The following SCLY variants were observed in gnomAD, a reference collection of about 807,000 sequenced individuals.
SCLY encodes putative selenocysteine lyase.
SCLY carries 38 observed loss-of-function variants against 50.1 expected under a neutral mutation model. The ratio of observed to expected loss-of-function variants is 0.76; its 90% CI spans 0.59 to 0.99. SCLY has a LOEUF of 0.99. Ranked by LOEUF, SCLY falls within the 50% of genes least tolerant of loss-of-function variation. SCLY has a pLI of 0.00. For synonymous variants in SCLY, 243 were observed against 249.4 expected, an observed-to-expected ratio of 0.97 and a Z score of 0.24; for missense variants, 600 against 620.0, an observed-to-expected ratio of 0.97 and a Z score of 0.34.
rs1359425563 is a variant in SCLY, at chr2:238,083,798, C to T, written c.884+444C>T. Reference sequence around the variant, plus strand: ...GAAATTAGTTGTTGCCCCCACCACACCTTTTGTTAGAAACTACTTAACAAG... The same window carrying T: ...GAAATTAGTTGTTGCCCCCACCACATCTTTTGTTAGAAACTACTTAACAAG... On this transcript the variant is annotated intron_variant, in intron 7 of 11. Transcript: ENST00000254663. The surrounding 1 kb of genome is among the most constrained non-coding windows in gnomAD (Gnocchi z 4.3). 6.6e-6 allele frequency among the ~76,000 whole-genome samples: 1 copy of T among 152,046 alleles called. No individual in the cohort carries two copies. The highest frequency in any genetic ancestry group is 6.5e-5 in the Admixed American group (1 of 15,278).
intron 1 of SCLY, 192 bp downstream of exon 1, chr2:238,061,335 A>G (rs1559239571): frequency 8.5e-6 from 6 of 704,540 alleles, no homozygotes; most frequent in Non-Finnish European, 1.6e-5. Context: ...TGGCCCCGCA[A>G]GGGCCCACGG....
At position 238,069,243 on chromosome 2, in the gene SCLY, G is replaced by T; in HGVS notation, c.304-54G>T. Reference sequence around the variant, plus strand: ...ATTAAGTAACAGAAATTGTTGCTCTGACCCTTACCTCAGCACAGTTTTTGT... The same window carrying T: ...ATTAAGTAACAGAAATTGTTGCTCTTACCCTTACCTCAGCACAGTTTTTGT... On this transcript the variant is annotated intron_variant, in intron 3 of 11. Coordinates refer to ENST00000254663, the MANE Select transcript of SCLY (RefSeq NM_016510.7). This position sits in a 1 kb window ranked among gnomAD's most constrained non-coding sequence, Gnocchi z 5.0. 1 of 1,535,772 alleles carries T rather than the reference G, an allele frequency of 6.5e-7. No homozygotes were observed. The highest frequency in any genetic ancestry group is 1.2e-5 in the South Asian group (1 of 84,416).
At chr2:238,064,503 G>T in intron 2 of SCLY, 34 bp downstream of exon 2, 1 of 1,471,228 alleles carries the variant, frequency 6.8e-7, no homozygotes, top group South Asian at 1.2e-5. Flanking sequence ...TCACTGATGG[G>T]AGATAATGGG....
chr2:238,081,946 C>T (rs537001855), intron 5 of SCLY, 99 bp from the exon 6 acceptor site: 2 of 1,575,294 alleles, frequency 1.3e-6, no homozygotes, highest in South Asian at 2.3e-5. Context: ...TCTCTGTTCA[C>T]TTTGATAACA....
At chr2:238,091,558 A>AGATCTACACT in intron 8 of SCLY, 12 of 318,992 alleles carry the variant, frequency 3.8e-5, no homozygotes, top group Admixed American at 9.2e-5. Flanking sequence ...ACCATTCCCA[A>AGATCTACACT]AGGCGTCGGC....
intron 1 of SCLY, 94 bp downstream of exon 1, chr2:238,061,237 C>G (rs556627324): frequency 3.0e-6 from 3 of 988,250 alleles, no homozygotes; most frequent in African/African-American, 3.2e-5. Context: ...CCTGTGGCCG[C>G]TCTCGCGTGG....
rs117099045 is a variant in SCLY, at chr2:238,074,077, G to A, written c.484+4600G>A. Among the ~76,000 whole-genome samples, 9 of 152,090 alleles carry A rather than the reference G, an allele frequency of 5.9e-5. No homozygotes were observed. The East Asian group carries it at 1.7e-3, about 29-fold the overall frequency. ...CCCAGCAGTTTGGGAGGTGAAGCGG[G>A]GAACGGATCACTTGAGGTCAGGAGT... On this transcript the variant is annotated intron_variant, in intron 4 of 11. Transcript: ENST00000254663.
At position 238,098,524 on chromosome 2, in the gene SCLY, C is replaced by G; in HGVS notation, c.*169C>G. The G allele has an allele frequency of 2.8e-6, 2 of 708,312 alleles. No individual in the cohort carries two copies. The highest frequency in any genetic ancestry group is 2.4e-5 in the African/African-American group (1 of 42,310). The allele number at this position is 708,312 out of a possible 1,614,324, so 43.9% of individuals were successfully genotyped here. A position where few individuals can be genotyped will look rare whatever the true frequency, so the allele number is the denominator to read the frequency against. On this transcript the variant is annotated 3_prime_UTR_variant, in exon 12 of 12. Coordinates refer to ENST00000254663, the MANE Select transcript of SCLY (RefSeq NM_016510.7). ...CACCCCCAGTTTCCTTCCCTGGACC[C>G]CTGCAGAGCTCACAGGGCCCAGGAC...
Position 238,083,183 on chromosome 2 carries a change from A to C in SCLY, c.778-65A>C. 1 of 1,109,390 alleles carries C rather than the reference A, an allele frequency of 9.0e-7. No individual in the cohort carries two copies. The highest frequency in any genetic ancestry group is 1.4e-6 in the Non-Finnish European group (1 of 720,188). 68.7% of individuals were successfully genotyped at this position (1,109,390 alleles called of 1,614,324 possible). A position where few individuals can be genotyped will look rare whatever the true frequency, so the allele number is the denominator to read the frequency against. ...TTCTCCTGTGTGCCCCTAAGCACTTAGCATGTATACAGAGTAGGTCCTTGG... is the reference window on the plus strand; with the variant it reads ...TTCTCCTGTGTGCCCCTAAGCACTTCGCATGTATACAGAGTAGGTCCTTGG... On this transcript the variant is annotated intron_variant, in intron 6 of 11. Coordinates refer to ENST00000254663, the MANE Select transcript of SCLY (RefSeq NM_016510.7). This position sits in a 1 kb window ranked among gnomAD's most constrained non-coding sequence, Gnocchi z 4.3.
chr2:238,081,880 G>T, intron 5 of SCLY, 44 bp downstream of exon 5: 1 of 1,604,190 alleles, frequency 6.2e-7, no homozygotes, highest in South Asian at 1.1e-5. Flanking sequence ...TCATGGGGAA[G>T]AACAGCAGCT....
At chr2:238,076,853 T>G (rs2065180258) in intron 4 of SCLY, among the ~76,000 whole-genome samples, 1 of 152,226 alleles carries the variant, frequency 6.6e-6, no homozygotes, top group Non-Finnish European at 1.5e-5. Flanking sequence ...TTCTTTAATT[T>G]TTTTTATTTT....
In SCLY at chr2:238,061,149, C is replaced by T; in HGVS notation, c.89+6C>T. 1 of 1,488,892 alleles carries T rather than the reference C, an allele frequency of 6.7e-7. No homozygotes were observed. The allele number at this position is 1,488,892 out of a possible 1,614,324, so 92.2% of individuals were successfully genotyped here. ...AAACACAACTCGCCGGAGAGGTGCG[C>T]GCCTTTAGGGCAGGGCTGGGGAGCG... On this transcript the variant is annotated splice_donor_region_variant and intron_variant, in intron 1 of 11. Transcript: ENST00000254663.
At position 238,066,911 on chromosome 2, in the gene SCLY, G is replaced by A. The variant is rs556239732; in HGVS notation, c.203-1154G>A. Among the ~76,000 whole-genome samples the A allele has an allele frequency of 1.4e-4, 22 of 152,336 alleles. No homozygotes were observed. The highest frequency in any genetic ancestry group is 2.4e-4 in the Non-Finnish European group (16 of 68,030). ...TCACATCTTACATGGCAGCAGAGAA[G>A]AGTGTGCGTGCAGGGGAGCTCCCCT... is the stretch of plus-strand genomic sequence containing the variant. On this transcript the variant is annotated intron_variant, in intron 2 of 11. Transcript: ENST00000254663. This position sits in a 1 kb window ranked among gnomAD's most constrained non-coding sequence, Gnocchi z 4.1.
chr2:238,096,762 T>C (rs1288165550), intron 10 of SCLY, 39 bp from the exon 11 acceptor site: 5 of 1,582,346 alleles, frequency 3.2e-6, no homozygotes, highest in South Asian at 2.3e-5. Flanking sequence ...GCAACCTGGC[T>C]GGAGCCCCAT....
chr2:238,077,953 CTT>C (rs368187450), intron 4 of SCLY, among the ~76,000 whole-genome samples: 5 of 138,296 alleles, frequency 3.6e-5, no homozygotes, highest in Non-Finnish European at 3.1e-5. Flanking sequence ...TGTAGATTCT[CTT>C]TTTTTTTTTT....
chr2:238,083,247 G>C lies in SCLY; in HGVS notation c.778-1G>C. On this transcript the variant is annotated splice_acceptor_variant, in intron 6 of 11. Transcript: ENST00000254663. LOFTEE classifies it high-confidence loss of function. The surrounding 1 kb of genome is among the most constrained non-coding windows in gnomAD (Gnocchi z 4.3). The stretch of plus-strand genomic sequence containing the variant: ...AATAAATGACCAACTTTTCCTTCCA[G>C]TTTTATGGTCCCAGGATTGGCGCAC... 1 of 1,608,996 alleles carries C rather than the reference G, an allele frequency of 6.2e-7. No homozygotes were observed. Among genetic ancestry groups the C allele is most frequent in the Non-Finnish European group, 8.5e-7 (1 of 1,175,416 alleles).
intron 1 of SCLY, among the ~76,000 whole-genome samples, chr2:238,062,647 G>C (rs909094614): frequency 1.3e-5 from 2 of 152,212 alleles, no homozygotes; most frequent in African/African-American, 4.8e-5. Context: ...CCTGACCTCA[G>C]GTGATCTGCC....
chr2:238,065,653 A>ATTTTTTT (rs2065061866), intron 2 of SCLY, among the ~76,000 whole-genome samples: 1 of 82,544 alleles, frequency 1.2e-5, no homozygotes, highest in Admixed American at 1.3e-4. Flanking sequence ...AACTAATAAT[A>ATTTTTTT]TTTTATTTTA....
At chr2:238,072,347 G>A (rs959334225) in intron 4 of SCLY, among the ~76,000 whole-genome samples, 6 of 152,166 alleles carry the variant, frequency 3.9e-5, no homozygotes, top group Non-Finnish European at 7.3e-5. Context: ...ACATTTGTGC[G>A]TATGTTTTAG....
Sources: allele counts gnomAD v4.1 joint callset (sites outside exome capture counted in the v4.1 genomes callset), GRCh38; gene constraint gnomAD v4.1.1; non-coding constraint Gnocchi (gnomAD v3.1); transcripts MANE v1.5; gene names NCBI Gene and HGNC (gene_info 2026-07-23, HGNC 2026-07-21).